Variants in PHF3 observed in about 807,000 individuals in gnomAD.
The protein encoded by PHF3 is PHD finger protein 3.
In PHF3, 41 loss-of-function variants were observed where a neutral mutation model predicts 178.4. The ratio of observed to expected loss-of-function variants is 0.23; its 90% CI spans 0.18 to 0.30. The LOEUF (loss-of-function observed/expected upper bound fraction) is 0.30. PHF3 is among the 10% of genes least tolerant of loss of function. The probability of loss-of-function intolerance (pLI) is 1.00; values close to 1 mark genes in which losing one functional copy is unlikely to be tolerated. For synonymous variants in PHF3, 842 were observed against 800.5 expected (o/e 1.05, Z -0.88); for missense variants, 2,346 against 2,398.1 (o/e 0.98, Z 0.45).
intron 9 of PHF3, 88 bp downstream of exon 9, chr6:63,700,554 C>G: frequency 1.4e-6 from 1 of 694,446 alleles, no homozygotes; most frequent in South Asian, 1.8e-5. Flanking sequence ...AAATTCAACA[C>G]AGACTGCATA....
In PHF3 at chr6:63,698,560, C is replaced by G. The variant is rs774726047; in HGVS notation, c.2937C>G (p.Asn979Lys). The G allele has an allele frequency of 6.3e-7, 1 of 1,588,268 alleles. No homozygotes were observed. Among genetic ancestry groups the G allele is most frequent in the East Asian group, 2.2e-5 (1 of 44,620 alleles). ...GGGACACAGATGCTAAATATAAGAACAAATATAGAAGTTTGATGTTTAATT... is the reference window on the plus strand; with the variant it reads ...GGGACACAGATGCTAAATATAAGAAGAAATATAGAAGTTTGATGTTTAATT... ...FFRDTDAKYK[N>K]KYRSLMFNLK... Residue 979 changes from asparagine to lysine, a missense_variant, in exon 8 of 16, where the codon AAC becomes AAG. By Grantham distance (94) the Asn-to-Lys change is moderately conservative. Around this residue, in one of 8 missense-constraint regions of PHF3, gnomAD observed 45 missense variants for 87.9 expected, o/e 0.51. Coordinates refer to ENST00000262043, the MANE Select transcript of PHF3 (RefSeq NM_001370348.2).
Position 63,712,128 on chromosome 6 carries a change from G to A in PHF3, c.4540G>A (p.Glu1514Lys). 1 of 1,613,460 alleles carries A rather than the reference G, an allele frequency of 6.2e-7. No individual in the cohort carries two copies. Among genetic ancestry groups the A allele is most frequent in the Non-Finnish European group, 8.5e-7 (1 of 1,179,844 alleles). The change falls in exon 16 of 16, where the codon GAA becomes AAA. Residue 1514 changes from glutamate to lysine, a missense_variant. By Grantham distance (56) the Glu-to-Lys change is moderately conservative. Around this residue, in one of 8 missense-constraint regions of PHF3, gnomAD observed 839 missense variants for 806.9 expected, o/e 1.04. Transcript: ENST00000262043. ...AAAAATAGAGAAAACAGATAATGTG[G>A]AAGTAACTGATGGTGAAAACAAGGA... ...NSKIEKTDNV[E>K]VTDGENKEIK...
At chr6:63,637,742 CTGAT>C (rs1234667134) in intron 1 of PHF3, among the ~76,000 whole-genome samples, 3 of 152,098 alleles carry the variant, frequency 2.0e-5, no homozygotes, top group Non-Finnish European at 4.4e-5. Context: ...GATGATTCCT[CTGAT>C]TGAGCCACAC....
intron 2 of PHF3, among the ~76,000 whole-genome samples, chr6:63,648,210 T>C (rs1764871942): frequency 6.6e-6 from 1 of 152,210 alleles, no homozygotes; most frequent in African/African-American, 2.4e-5. Flanking sequence ...GTTGTTGTAT[T>C]CTAAATGTTT....
chr6:63,710,084 C>G (rs778548591), intron 14 of PHF3, among the ~76,000 whole-genome samples: 13 of 152,200 alleles, frequency 8.5e-5, no homozygotes, highest in Non-Finnish European at 1.3e-4. Flanking sequence ...TTTCAGAAGT[C>G]TCTAGCTTTT....
Position 63,684,696 on chromosome 6 carries a change from C to A in PHF3, c.974C>A (p.Thr325Lys). 1 of 1,613,728 alleles carries A rather than the reference C, an allele frequency of 6.2e-7. No individual in the cohort carries two copies. The highest frequency in any genetic ancestry group is 8.5e-7 in the Non-Finnish European group (1 of 1,179,770). Residue 325 changes from threonine (T) to lysine (K), a missense_variant, in exon 4 of 16, where the codon ACA (threonine) becomes AAA (lysine). By Grantham distance (78) the Thr-to-Lys change is moderately conservative (BLOSUM62 -1). Around this residue, in one of 8 missense-constraint regions of PHF3, gnomAD observed 843 missense variants for 795.2 expected, o/e 1.06. Transcript: ENST00000262043. The stretch of plus-strand genomic sequence containing the variant: ...AAAGTTGAACAAGATTCAAAGGAGA[C>A]AGTAAAATTATCCCATGAAGATGAC... Reference protein sequence around the residue: ...TRKVEQDSKETVKLSHEDDHI... With the variant: ...TRKVEQDSKEKVKLSHEDDHI...
At chr6:63,699,652 C>T (rs964557687) in intron 8 of PHF3, among the ~76,000 whole-genome samples, 2 of 151,996 alleles carry the variant, frequency 1.3e-5, no homozygotes, top group African/African-American at 4.8e-5. Flanking sequence ...AGTGCAGTGG[C>T]GCCATCTCAG....
chr6:63,658,708 TTGTGTGTGTGTGTGTGTGTGTG>T (rs3071174), intron 2 of PHF3, among the ~76,000 whole-genome samples: 107 of 145,216 alleles, frequency 7.4e-4, no homozygotes, highest in Middle Eastern at 3.5e-3. Context: ...CCAATAGATT[TTGTGTGTGTGTGTGTGTGTGTG>T]TGTGTGTGTG....
At chr6:63,672,780 A>C (rs1765977136) in intron 2 of PHF3, among the ~76,000 whole-genome samples, 1 of 152,208 alleles carries the variant, frequency 6.6e-6, no homozygotes, top group Non-Finnish European at 1.5e-5. Context: ...TGCCTGTAAC[A>C]ATAGCTGAGT....
chr6:63,692,009 A>T lies in PHF3; in HGVS notation c.2462A>T (p.Asp821Val), dbSNP rs778606302. ...TTNDRTKYIDDTVKHKVKILK... is the reference protein window; with the variant it reads ...TTNDRTKYIDVTVKHKVKILK... ...AATGATAGAACCAAATATATAGATGATACAGTGAAGCACAAGGTCAAAATT... is the reference window on the plus strand; with the variant it reads ...AATGATAGAACCAAATATATAGATGTTACAGTGAAGCACAAGGTCAAAATT... The change falls in exon 5 of 16, where the codon GAT becomes GTT. Residue 821 changes from aspartate to valine, a missense_variant. By Grantham distance (152) the Asp-to-Val change is radical. Around this residue, in one of 8 missense-constraint regions of PHF3, gnomAD observed 252 missense variants for 232.0 expected, o/e 1.09. Coordinates refer to ENST00000262043, the MANE Select transcript of PHF3 (RefSeq NM_001370348.2). The T allele has an allele frequency of 6.2e-7, 1 of 1,611,670 alleles. No individual in the cohort carries two copies. The highest frequency in any genetic ancestry group is 1.1e-5 in the South Asian group (1 of 90,800).
chr6:63,682,462 C>T (rs146286973), intron 3 of PHF3, among the ~76,000 whole-genome samples: 1 of 152,220 alleles, frequency 6.6e-6, no homozygotes, highest in East Asian at 1.9e-4. Flanking sequence ...TTTCCTCTCT[C>T]GTTCTTCCTT....
intron 2 of PHF3, among the ~76,000 whole-genome samples, chr6:63,663,411 C>A (rs1209179678): frequency 1.3e-5 from 2 of 152,068 alleles, no homozygotes; most frequent in Non-Finnish European, 2.9e-5. Context: ...GTGGCAGATC[C>A]TTGTTTTTTT....
chr6:63,678,738 A>G (rs1766294993), intron 2 of PHF3: 1 of 422,096 alleles, frequency 2.4e-6, no homozygotes, highest in Non-Finnish European at 4.7e-6. Flanking sequence ...GAGCAGTTTC[A>G]TGATTCTGTT....
At position 63,714,043 on chromosome 6, in the gene PHF3, AT is replaced by A. The variant is rs1363212032; in HGVS notation, c.*338del. The A allele has an allele frequency of 5.5e-6, 1 of 183,194 alleles. No homozygotes were observed. Among genetic ancestry groups the A allele is most frequent in the Admixed American group, 6.0e-5 (1 of 16,730 alleles). 11.3% of individuals were successfully genotyped at this position (183,194 alleles called of 1,614,324 possible). A position where few individuals can be genotyped will look rare whatever the true frequency, so the allele number is the denominator to read the frequency against. ...GTAAATATGGTTAACTATGGAATAT[AT>A]TTACTTCCTCTAGTGAATGTCCTTT... is the stretch of plus-strand genomic sequence containing the variant. On this transcript the variant is annotated 3_prime_UTR_variant, in exon 16 of 16. Transcript: ENST00000262043.
chr6:63,691,308 G>A (rs1048579900), intron 4 of PHF3, among the ~76,000 whole-genome samples: 2 of 152,094 alleles, frequency 1.3e-5, no homozygotes, highest in Non-Finnish European at 2.9e-5. Flanking sequence ...TATATGTGAT[G>A]TCACGTCTGT....
chr6:63,704,896 A>G (rs1021628262), intron 11 of PHF3, among the ~76,000 whole-genome samples: 1 of 152,204 alleles, frequency 6.6e-6, no homozygotes, highest in African/African-American at 2.4e-5. Context: ...CCCGCCAGCA[A>G]TGAATGAGAG....
At chr6:63,689,504 TTAA>T (rs1236480695) in intron 4 of PHF3, among the ~76,000 whole-genome samples, 1 of 152,172 alleles carries the variant, frequency 6.6e-6, no homozygotes, top group East Asian at 1.9e-4. Flanking sequence ...CAAAAATGAT[TTAA>T]TGTTTATGTG....
intron 4 of PHF3, among the ~76,000 whole-genome samples, chr6:63,688,107 A>C (rs1582081633): frequency 1.4e-5 from 2 of 140,994 alleles, no homozygotes; most frequent in Admixed American, 7.3e-5. Context: ...TGGCGCGTGA[A>C]CCCGGGAGGC....
rs1348434651 is a variant in PHF3 at position 63,709,332 on chromosome 6, G to A, written c.3801+92G>A. 3.6e-6 allele frequency: 3 copies of A among 829,602 alleles called. No individual in the cohort carries two copies. The African/African-American group carries it at 5.2e-5, about 14-fold the overall frequency. 51.4% of individuals were successfully genotyped at this position (829,602 alleles called of 1,614,324 possible). A position where few individuals can be genotyped will look rare whatever the true frequency, so the allele number is the denominator to read the frequency against. ...TTATGCAAGGGTGCAAAGTCTCCTG[G>A]GGAAAGGAGGCAATACACATTTTAA... On this transcript the variant is annotated intron_variant, in intron 14 of 15. Transcript: ENST00000262043.
Sources: gnomAD v4.1 joint callset for allele counts (sites outside exome capture counted in the v4.1 genomes callset) on GRCh38, gnomAD v4.1.1 for gene constraint, gnomAD v4.1.1 regional missense constraint, MANE v1.5 for transcripts, NCBI Gene and HGNC (gene_info 2026-07-23, HGNC 2026-07-21) for gene names.